The following BCKDHB variants were observed in gnomAD, a reference collection of about 807,000 sequenced individuals.
The protein encoded by BCKDHB is 2-oxoisovalerate dehydrogenase subunit beta, mitochondrial.
In BCKDHB, 41 loss-of-function variants were observed where a neutral mutation model predicts 48.5. The observed-to-expected ratio is 0.85, with a 90% CI of 0.66 to 1.10. BCKDHB has a LOEUF of 1.10. BCKDHB is among the 50% of genes least tolerant of loss of function. The probability of loss-of-function intolerance (pLI) is 0.00; values close to 1 mark genes in which losing one functional copy is unlikely to be tolerated. For missense variants in BCKDHB, 496 were observed against 494.2 expected (o/e 1.00, Z -0.03); for synonymous variants, 201 against 174.8 (o/e 1.15, Z -1.18).
intron 8 of BCKDHB, among the ~76,000 whole-genome samples, chr6:80,257,527 T>C (rs1435507104): frequency 6.6e-6 from 1 of 151,800 alleles, no homozygotes; most frequent in African/African-American, 2.4e-5. Context: ...GTTAGGCTTC[T>C]TCAGAGAGAC....
At chr6:80,450,585 G>A in the BCKDHB span, among the ~76,000 whole-genome samples, 12 of 152,242 alleles carry the variant, frequency 7.9e-5, no homozygotes, top group Admixed American at 4.6e-4. Flanking sequence ...AGGCACTCCC[G>A]TAATTTGGGT....
chr6:80,211,370 C>T (rs1318352847), intron 8 of BCKDHB, among the ~76,000 whole-genome samples: 2 of 152,172 alleles, frequency 1.3e-5, no homozygotes, highest in African/African-American at 2.4e-5. Flanking sequence ...ATCCTGCTGG[C>T]TTTGCCTACA....
intron 9 of BCKDHB, among the ~76,000 whole-genome samples, chr6:80,286,410 T>C (rs1037051691): frequency 6.6e-6 from 1 of 152,166 alleles, no homozygotes; most frequent in African/African-American, 2.4e-5. Flanking sequence ...TACTCAAAAT[T>C]GGGACAAAAT....
At chr6:80,255,228 G>A (rs955053293) in intron 8 of BCKDHB, among the ~76,000 whole-genome samples, 1 of 152,098 alleles carries the variant, frequency 6.6e-6, no homozygotes, top group Non-Finnish European at 1.5e-5. Context: ...TCCATAAACT[G>A]TAATATGGAA....
At chr6:80,327,099 G>T (rs1256861625) in intron 9 of BCKDHB, among the ~76,000 whole-genome samples, 1 of 152,164 alleles carries the variant, frequency 6.6e-6, no homozygotes, top group African/African-American at 2.4e-5. Flanking sequence ...AAGCCAGCAG[G>T]AAGTTGCAAA....
At chr6:80,265,085 G>A (rs1272572963) in intron 8 of BCKDHB, among the ~76,000 whole-genome samples, 3 of 152,074 alleles carry the variant, frequency 2.0e-5, no homozygotes, top group Admixed American at 6.6e-5. Flanking sequence ...TGGAGAAATT[G>A]CATCTCTTGT....
the BCKDHB span, among the ~76,000 whole-genome samples, chr6:80,361,408 C>T: frequency 3.3e-5 from 5 of 152,142 alleles, no homozygotes; most frequent in East Asian, 9.7e-4. Flanking sequence ...TAGTAGAGTA[C>T]ATTTGACAGG....
chr6:80,178,439 C>T (rs945854253), intron 6 of BCKDHB, among the ~76,000 whole-genome samples: 2 of 152,176 alleles, frequency 1.3e-5, no homozygotes, highest in Non-Finnish European at 1.5e-5. Context: ...GCACAATAAA[C>T]TGCAGCTGTC....
At chr6:80,247,405 A>T (rs1562172340) in intron 8 of BCKDHB, among the ~76,000 whole-genome samples, 1 of 152,236 alleles carries the variant, frequency 6.6e-6, no homozygotes, top group Non-Finnish European at 1.5e-5. Flanking sequence ...ATACTCAATC[A>T]GCTACATCCT....
chr6:80,337,167 T>A (rs979844066), intron 9 of BCKDHB, among the ~76,000 whole-genome samples: 4 of 152,128 alleles, frequency 2.6e-5, no homozygotes, highest in Admixed American at 6.5e-5. Context: ...TTGCTAAAAC[T>A]CATGTTTTGA....
chr6:80,251,355 A>T (rs1330448221), intron 8 of BCKDHB, among the ~76,000 whole-genome samples: 1 of 152,158 alleles, frequency 6.6e-6, no homozygotes, highest in Non-Finnish European at 1.5e-5. Context: ...GACATTTTAC[A>T]ATTAGGTATT....
the BCKDHB span, among the ~76,000 whole-genome samples, chr6:80,378,648 T>A: frequency 6.6e-6 from 1 of 152,102 alleles, no homozygotes; most frequent in Non-Finnish European, 1.5e-5. Context: ...TTTAGGTAGA[T>A]ACCCAGTAGT....
intron 3 of BCKDHB, 95 bp downstream of exon 3, chr6:80,129,324 C>G (rs1278072440): frequency 1.0e-6 from 1 of 996,368 alleles, no homozygotes; most frequent in Non-Finnish European, 1.6e-6. Flanking sequence ...TTGTCATATC[C>G]CCATTGTATG....
intron 8 of BCKDHB, among the ~76,000 whole-genome samples, chr6:80,237,799 A>G (rs1428097886): frequency 6.6e-6 from 1 of 152,192 alleles, no homozygotes; most frequent in Non-Finnish European, 1.5e-5. Flanking sequence ...TTAACATGAC[A>G]AGGTTCTCAG....
At chr6:80,246,411 G>A (rs1001444380) in intron 8 of BCKDHB, among the ~76,000 whole-genome samples, 1 of 152,106 alleles carries the variant, frequency 6.6e-6, no homozygotes, top group African/African-American at 2.4e-5. Flanking sequence ...TCTTGTGGTT[G>A]AAGTTTTAAG....
At chr6:80,181,850 A>G (rs1582302241) in intron 6 of BCKDHB, among the ~76,000 whole-genome samples, 1 of 152,182 alleles carries the variant, frequency 6.6e-6, no homozygotes, top group African/African-American at 2.4e-5. Flanking sequence ...AAGGGTGTGA[A>G]TACAGGGAGA....
intron 8 of BCKDHB, among the ~76,000 whole-genome samples, chr6:80,218,134 G>A (rs1429860364): frequency 2.6e-5 from 4 of 152,024 alleles, no homozygotes; most frequent in Non-Finnish European, 5.9e-5. Flanking sequence ...GTTGGTTGCC[G>A]CCACTTCTCA....
intron 1 of BCKDHB, among the ~76,000 whole-genome samples, chr6:80,107,423 A>ATGTGTGTGTGTG (rs60917181): frequency 4.1e-5 from 3 of 73,222 alleles, no homozygotes; most frequent in African/African-American, 1.0e-4. Context: ...AATTGTGTGT[A>ATGTGTGTGTGTG]TGTGTGTGTG....
Position 80,179,075 on chromosome 6 carries a change from T to C in BCKDHB, c.742+7685T>C, listed in dbSNP as rs144338338. Among the ~76,000 whole-genome samples, 264 of 152,202 alleles carry C rather than the reference T, an allele frequency of 1.7e-3. 1 individual carries two copies. The highest frequency in any genetic ancestry group is 6.0e-3 in the African/African-American group (250 of 41,528). ...TCTCCCTCTGTTACCCAGGATGGAG[T>C]GCAGTTGTGTGATCACAGCTCATGG... On this transcript the variant is annotated intron_variant, in intron 6 of 9. Transcript: ENST00000320393.
Sources: gnomAD v4.1 joint callset for allele counts (sites outside exome capture counted in the v4.1 genomes callset) on GRCh38, gnomAD v4.1.1 for gene constraint, MANE v1.5 for transcripts, NCBI Gene and HGNC (gene_info 2026-07-23, HGNC 2026-07-21) for gene names.